The following ZRANB3 variants were observed in gnomAD, a reference collection of about 807,000 sequenced individuals.
The protein encoded by ZRANB3 is DNA annealing helicase and endonuclease ZRANB3.
A neutral mutation model predicts 133.8 loss-of-function variants in ZRANB3; 125 were observed. That is an observed-to-expected ratio of 0.93 (90% CI 0.81 to 1.08). ZRANB3 has a LOEUF of 1.08. Ranked by LOEUF, ZRANB3 falls within the 50% of genes least tolerant of loss-of-function variation. The pLI is 0.00. For synonymous variants in ZRANB3, 387 were observed against 432.7 expected (o/e 0.89, Z 1.31); for missense variants, 1,229 against 1,275.5 (o/e 0.96, Z 0.56).
chr2:135,523,436 T>C (rs1694027381), intron 1 of ZRANB3, among the ~76,000 whole-genome samples: 2 of 152,214 alleles, frequency 1.3e-5, no homozygotes, highest in Admixed American at 1.3e-4. Context: ...TTAAATTTTG[T>C]CTCTCACTTC....
chr2:135,410,300 G>A (rs957152757), intron 2 of ZRANB3, among the ~76,000 whole-genome samples: 1 of 152,062 alleles, frequency 6.6e-6, no homozygotes, highest in African/African-American at 2.4e-5. Flanking sequence ...ATAGACCAAT[G>A]GAACAGGATA....
At position 135,341,199 on chromosome 2, in the gene ZRANB3, T is replaced by C. The variant is rs563734156; in HGVS notation, c.677+4351A>G. Among the ~76,000 whole-genome samples, 14 of 149,776 alleles carry C rather than the reference T, an allele frequency of 9.3e-5. 1 individual carries two copies. The highest frequency in any genetic ancestry group is 3.3e-4 in the African/African-American group (13 of 39,164). ...CACACCTGGCTAATTTTTTTTCTTG[T>C]TGTTTCTTTTAGTAGAGACGGGGTT... is the stretch of plus-strand genomic sequence containing the variant. On this transcript the variant is annotated intron_variant, in intron 6 of 20. Coordinates refer to ENST00000264159, the MANE Select transcript of ZRANB3 (RefSeq NM_032143.4).
At chr2:135,512,635 G>T (rs1308660419) in intron 1 of ZRANB3, among the ~76,000 whole-genome samples, 2 of 150,946 alleles carry the variant, frequency 1.3e-5, no homozygotes, top group Admixed American at 6.6e-5. Flanking sequence ...GAAAGTAAAA[G>T]AATTAAAAAA....
intron 3 of ZRANB3, among the ~76,000 whole-genome samples, chr2:135,368,524 G>A (rs989539405): frequency 1.3e-4 from 19 of 151,922 alleles, no homozygotes; most frequent in Non-Finnish European, 2.7e-4. Flanking sequence ...TTATGAAAAT[G>A]TTGAAATAAA....
At chr2:135,349,033 G>A (rs960928465) in intron 5 of ZRANB3, among the ~76,000 whole-genome samples, 5 of 151,968 alleles carry the variant, frequency 3.3e-5, no homozygotes, top group Non-Finnish European at 7.4e-5. Context: ...ACTGTCAGTG[G>A]GCATCCAAGA....
intron 17 of ZRANB3, among the ~76,000 whole-genome samples, chr2:135,212,953 G>A (rs1402514378): frequency 6.6e-6 from 1 of 152,160 alleles, no homozygotes; most frequent in Non-Finnish European, 1.5e-5. Flanking sequence ...ACAGTGGCTG[G>A]TAATCTTGGC....
At chr2:135,310,752 A>G (rs1682930638) in intron 8 of ZRANB3, among the ~76,000 whole-genome samples, 1 of 152,086 alleles carries the variant, frequency 6.6e-6, no homozygotes, top group Non-Finnish European at 1.5e-5. Flanking sequence ...TTGATCTGCA[A>G]TGCAATGTCA....
chr2:135,495,507 G>C (rs1288033504), intron 2 of ZRANB3, among the ~76,000 whole-genome samples: 4 of 152,132 alleles, frequency 2.6e-5, no homozygotes, highest in African/African-American at 9.7e-5. Context: ...GCAAGCATAG[G>C]TGTATATATG....
In ZRANB3 at chr2:135,418,933, T is replaced by C. The variant is rs1394781766; in HGVS notation, c.162-28113A>G. On this transcript the variant is annotated intron_variant, in intron 2 of 20. Coordinates refer to ENST00000264159, the MANE Select transcript of ZRANB3 (RefSeq NM_032143.4). ...AAAAATAAGGATTCTCTCTTTTTTT[T>C]TTTTTTTTTTTTTTTTTTTTTTGAG... is the stretch of plus-strand genomic sequence containing the variant. Among the ~76,000 whole-genome samples, 34 of 89,552 alleles carry C rather than the reference T, an allele frequency of 3.8e-4. 1 individual carries two copies. Among genetic ancestry groups the C allele is most frequent in the Middle Eastern group, 5.0e-3 (1 of 200 alleles). The allele number at this position is 89,552 out of a possible 152,430, so 58.7% of individuals were successfully genotyped here.
chr2:135,519,213 G>A (rs7605483), intron 1 of ZRANB3, among the ~76,000 whole-genome samples: 2,512 of 152,216 alleles, frequency 0.017, 62 homozygotes, highest in African/African-American at 0.055. Flanking sequence ...CAATATCCTG[G>A]TTGTACTGTA....
chr2:135,298,940 TGGCCTCCAGCCA>T (rs1682295307), intron 8 of ZRANB3, among the ~76,000 whole-genome samples: 1 of 152,136 alleles, frequency 6.6e-6, no homozygotes, highest in Non-Finnish European at 1.5e-5. Flanking sequence ...TTGAGTTGGC[TGGCCTCCAGCCA>T]GGAGGGGGTG....
At chr2:135,443,779 G>T (rs75011637) in intron 2 of ZRANB3, among the ~76,000 whole-genome samples, 1 of 152,110 alleles carries the variant, frequency 6.6e-6, no homozygotes, top group Non-Finnish European at 1.5e-5. Flanking sequence ...ACCACAGAAT[G>T]AAGAGACTAA....
intron 2 of ZRANB3, among the ~76,000 whole-genome samples, chr2:135,395,615 G>T (rs1394318635): frequency 6.6e-6 from 1 of 151,780 alleles, no homozygotes; most frequent in African/African-American, 2.4e-5. Context: ...ACACCACGAC[G>T]CCCGGCTAAT....
At chr2:135,327,861 TTTAG>T (rs1553473499) in intron 6 of ZRANB3, among the ~76,000 whole-genome samples, 2 of 152,102 alleles carry the variant, frequency 1.3e-5, no homozygotes, top group Non-Finnish European at 2.9e-5. Context: ...AATTATGTAT[TTTAG>T]TTACTGATAT....
chr2:135,460,819 T>C (rs904595232), intron 2 of ZRANB3, among the ~76,000 whole-genome samples: 3 of 152,172 alleles, frequency 2.0e-5, no homozygotes, highest in Non-Finnish European at 2.9e-5. Context: ...TATTTTTGCC[T>C]TAAAATAAAT....
At chr2:135,355,110 C>T (rs1004991152) in intron 3 of ZRANB3, 2 of 487,974 alleles carry the variant, frequency 4.1e-6, no homozygotes, top group African/African-American at 4.2e-5. Context: ...AGATTTTGGA[C>T]TTTAAGCAAG....
chr2:135,415,492 G>T (rs907360279), intron 2 of ZRANB3, among the ~76,000 whole-genome samples: 1 of 152,066 alleles, frequency 6.6e-6, no homozygotes, highest in Non-Finnish European at 1.5e-5. Context: ...AAGAGTCCAG[G>T]ACCAGATGGA....
At chr2:135,432,560 A>G (rs1169480764) in intron 2 of ZRANB3, among the ~76,000 whole-genome samples, 1 of 152,216 alleles carries the variant, frequency 6.6e-6, no homozygotes, top group Non-Finnish European at 1.5e-5. Flanking sequence ...TATGGTTTTA[A>G]GAGTTAACCA....
chr2:135,371,303 G>A (rs997474436), intron 3 of ZRANB3, among the ~76,000 whole-genome samples: 4 of 152,108 alleles, frequency 2.6e-5, no homozygotes, highest in East Asian at 3.8e-4. Flanking sequence ...TTTTCTTTAC[G>A]ATGCACTTGG....
Sources: allele counts gnomAD v4.1 joint callset (sites outside exome capture counted in the v4.1 genomes callset), GRCh38; gene constraint gnomAD v4.1.1; transcripts MANE v1.5; gene names NCBI Gene and HGNC (gene_info 2026-07-23, HGNC 2026-07-21).